Variants in INPP5A observed in about 807,000 individuals in gnomAD.
The protein encoded by INPP5A is inositol polyphosphate-5-phosphatase A, also known as 43 kDa inositol polyphosphate 5-phophatase.
Under a neutral mutation model 65.2 loss-of-function variants are expected in INPP5A, and 14 were observed. The observed-to-expected ratio is 0.21, with a 90% CI of 0.14 to 0.34. The LOEUF is 0.34. INPP5A is among the 10% of genes least tolerant of loss of function. The pLI is 1.00. For missense variants in INPP5A, 431 were observed against 545.6 expected, an observed-to-expected ratio of 0.79 and a Z score of 2.09; for synonymous variants, 207 against 208.3, an observed-to-expected ratio of 0.99 and a Z score of 0.05.
intron 5 of INPP5A, among the ~76,000 whole-genome samples, chr10:132,692,304 C>T (rs1162985114): frequency 1.3e-5 from 2 of 152,006 alleles, no homozygotes; most frequent in Admixed American, 6.5e-5. Flanking sequence ...TGTGAAACAG[C>T]GACAACAGGT....
chr10:132,685,029 T>G (rs1412304323), intron 4 of INPP5A, among the ~76,000 whole-genome samples: 2 of 152,178 alleles, frequency 1.3e-5, no homozygotes, highest in Non-Finnish European at 2.9e-5. Context: ...TCTTATGAAG[T>G]TTTTCTTTCT....
chr10:132,752,675 T>A (rs1228524509), intron 11 of INPP5A, among the ~76,000 whole-genome samples: 1 of 10,044 alleles, frequency 1.0e-4, no homozygotes, highest in Non-Finnish European at 2.0e-4. Flanking sequence ...GCACGGGGCG[T>A]GGAGGGGGTG....
chr10:132,646,823 CGACGCTGCTGCCACGCTCTGTGGGTT>C (rs2072501710), intron 3 of INPP5A, among the ~76,000 whole-genome samples: 1 of 152,142 alleles, frequency 6.6e-6, no homozygotes, highest in African/African-American at 2.4e-5. Flanking sequence ...CACTGTGGGC[CGACGCTGCTGCCACGCTCTGTGGGTT>C]GACGCTGCTG....
intron 2 of INPP5A, among the ~76,000 whole-genome samples, chr10:132,632,467 G>T (rs1430660808): frequency 6.6e-6 from 1 of 152,232 alleles, no homozygotes; most frequent in Non-Finnish European, 1.5e-5. Flanking sequence ...ACACCTCACA[G>T]CGACCGTCTC....
chr10:132,781,850 TC>T lies in INPP5A; in HGVS notation c.1159-9del. Reference sequence around the variant, plus strand: ...GCGCCGTGCTGACACCGTCCTCTCTTCCTGCTGCAGCCCGTGTTCCTGGCCT... The same window carrying T: ...GCGCCGTGCTGACACCGTCCTCTCTTCTGCTGCAGCCCGTGTTCCTGGCCT... On this transcript the variant is annotated splice_polypyrimidine_tract_variant and intron_variant, in intron 14 of 15. Transcript: ENST00000368594. 2 of 1,612,696 alleles carry T rather than the reference TC, an allele frequency of 1.2e-6. No homozygotes were observed. Among genetic ancestry groups the T allele is most frequent in the Non-Finnish European group, 8.5e-7 (1 of 1,179,196 alleles).
chr10:132,624,083 A>G (rs1273712159), intron 2 of INPP5A, among the ~76,000 whole-genome samples: 1 of 152,154 alleles, frequency 6.6e-6, no homozygotes, highest in Admixed American at 6.5e-5. Context: ...GCAGATCCCT[A>G]TGGCCATCAG....
At chr10:132,621,374 C>T (rs900879553) in intron 2 of INPP5A, among the ~76,000 whole-genome samples, 1 of 152,176 alleles carries the variant, frequency 6.6e-6, no homozygotes, top group Non-Finnish European at 1.5e-5. Context: ...TCCTGTGGCA[C>T]AGCCTCAGGA....
chr10:132,630,208 G>A (rs141761244), intron 2 of INPP5A, among the ~76,000 whole-genome samples: 7 of 150,848 alleles, frequency 4.6e-5, no homozygotes, highest in African/African-American at 1.7e-4. Flanking sequence ...AGGGGAAGGC[G>A]TCCATGAGGG....
chr10:132,732,597 G>A (rs551390670), intron 9 of INPP5A, among the ~76,000 whole-genome samples: 1 of 152,334 alleles, frequency 6.6e-6, no homozygotes, highest in African/African-American at 2.4e-5. Context: ...GGACTGGCCC[G>A]AAGCTGAGCA....
At chr10:132,649,612 G>A (rs1412786258) in intron 3 of INPP5A, among the ~76,000 whole-genome samples, 1 of 152,068 alleles carries the variant, frequency 6.6e-6, no homozygotes, top group Non-Finnish European at 1.5e-5. Flanking sequence ...CTTCAATGTG[G>A]ACCCCCCTTC....
chr10:132,652,407 A>T (rs541071898), intron 4 of INPP5A, among the ~76,000 whole-genome samples: 5 of 152,362 alleles, frequency 3.3e-5, no homozygotes, highest in Admixed American at 2.6e-4. Context: ...ATGCTTACAG[A>T]TGTCATGGCT....
At position 132,782,382 on chromosome 10, in the gene INPP5A, CAG is replaced by C. The variant is rs558085421; in HGVS notation, c.*357_*358del. ...TGCCAGTGGAGGGGCTTCTTCAGCACAGAGACCCCCCACTGTGTCCAGGGACC... is the reference window on the plus strand; with the variant it reads ...TGCCAGTGGAGGGGCTTCTTCAGCACAGACCCCCCACTGTGTCCAGGGACC... On this transcript the variant is annotated 3_prime_UTR_variant, in exon 16 of 16. Transcript: ENST00000368594. This position sits in a 1 kb window ranked among gnomAD's most constrained non-coding sequence, Gnocchi z 4.4. 433 of 325,344 alleles carry C rather than the reference CAG, an allele frequency of 1.3e-3. 3 individuals carry two copies. Among genetic ancestry groups the C allele is most frequent in the African/African-American group, 8.6e-3 (397 of 46,062 alleles). 20.2% of individuals were successfully genotyped at this position (325,344 alleles called of 1,614,324 possible).
intron 13 of INPP5A, 148 bp downstream of exon 13, chr10:132,777,930 A>G: frequency 1.4e-6 from 2 of 1,477,532 alleles, no homozygotes; most frequent in Non-Finnish European, 1.8e-6. Context: ...TGCTGCCATG[A>G]GCTGCACCCC....
At chr10:132,756,587 G>A (rs987830603) in intron 11 of INPP5A, among the ~76,000 whole-genome samples, 4 of 152,208 alleles carry the variant, frequency 2.6e-5, no homozygotes, top group East Asian at 1.9e-4. Flanking sequence ...CCGCTGCGCC[G>A]CCTGCTGTGG....
intron 5 of INPP5A, among the ~76,000 whole-genome samples, chr10:132,694,057 T>C (rs1845309287): frequency 6.6e-6 from 1 of 152,278 alleles, no homozygotes; most frequent in East Asian, 1.9e-4. Context: ...GGATACCTCA[T>C]CCAGTAACAG....
At chr10:132,770,429 G>A (rs1393390824) in intron 12 of INPP5A, among the ~76,000 whole-genome samples, 7 of 152,264 alleles carry the variant, frequency 4.6e-5, no homozygotes, top group Non-Finnish European at 1.0e-4. Context: ...GACGCTGAGC[G>A]TATGGAGGAT....
At chr10:132,635,047 G>A (rs2072326164) in intron 2 of INPP5A, among the ~76,000 whole-genome samples, 1 of 152,250 alleles carries the variant, frequency 6.6e-6, no homozygotes, top group South Asian at 2.1e-4. Context: ...TCCAGTCTGT[G>A]GCATTCACAA....
intron 1 of INPP5A, among the ~76,000 whole-genome samples, chr10:132,590,544 G>A (rs2071606744): frequency 6.6e-6 from 1 of 152,156 alleles, no homozygotes; most frequent in Admixed American, 6.5e-5. Context: ...AGTGGGGCCT[G>A]CGTTCGAGGA....
chr10:132,709,472 G>A (rs73385192), intron 7 of INPP5A, among the ~76,000 whole-genome samples: 264 of 152,154 alleles, frequency 1.7e-3, no homozygotes, highest in African/African-American at 5.8e-3. Flanking sequence ...CCGCGGTCCC[G>A]TGCCCACCCC....
Sources: allele counts gnomAD v4.1 joint callset (sites outside exome capture counted in the v4.1 genomes callset), GRCh38; gene constraint gnomAD v4.1.1; non-coding constraint Gnocchi (gnomAD v3.1); transcripts MANE v1.5; gene names NCBI Gene and HGNC (gene_info 2026-07-23, HGNC 2026-07-21).